Variants in GLRA2 observed in about 807,000 individuals in gnomAD.
GLRA2 encodes glycine receptor alpha 2.
A neutral mutation model predicts 31.6 loss-of-function variants in GLRA2; 11 were observed. That is an observed-to-expected ratio of 0.35 (90% confidence interval 0.22 to 0.58). The LOEUF (loss-of-function observed/expected upper bound fraction) is 0.58, where lower values mean the gene tolerates loss of function less well. Ranked by LOEUF, GLRA2 falls within the 20% of genes least tolerant of loss-of-function variation. The probability of loss-of-function intolerance (pLI) is 0.84; values close to 1 mark genes in which losing one functional copy is unlikely to be tolerated. For synonymous variants in GLRA2, 132 were observed against 134.0 expected (o/e 0.99, Z 0.10); for missense variants, 212 against 351.8 (o/e 0.60, Z 3.18).
rs1393021666 is a variant in GLRA2, at chrX:14,690,808, G to A, written c.1029G>A (p.Arg343=). The A allele has an allele frequency of 1.7e-6, 2 of 1,203,567 alleles. No individual in the cohort carries two copies. Among genetic ancestry groups the A allele is most frequent in the African/African-American group, 3.5e-5 (2 of 56,720 alleles). Residue 343 remains arginine (R), a synonymous_variant, in exon 8 of 9, where the codon AGG becomes AGA. Transcript: ENST00000218075. ...LEYAAVNFVS[R]QHKEFLRLRR... ...ACGCAGCGGTGAACTTCGTCTCCAG[G>A]CAACACAAGGAGTTCCTGCGCCTCC...
At chrX:14,520,713 G>A in the GLRA2 span, among the ~76,000 whole-genome samples, 1 of 112,727 alleles carries the variant, frequency 8.9e-6, no homozygotes, top group Non-Finnish European at 1.9e-5. Flanking sequence ...CTCTCTGCAT[G>A]ATGGGCATCT....
intron 3 of GLRA2, 150 bp downstream of exon 3, chrX:14,574,550 A>C (rs2089927479): frequency 8.4e-7 from 1 of 1,185,560 alleles, no homozygotes; most frequent in East Asian, 3.0e-5. Flanking sequence ...CAATAGCAGA[A>C]ACTACAATGG....
chrX:14,565,488 TG>T (rs2147047397), intron 2 of GLRA2, among the ~76,000 whole-genome samples: 2 of 104,694 alleles, frequency 1.9e-5, no homozygotes, highest in African/African-American at 7.3e-5. Flanking sequence ...CTCATCATTT[TG>T]GTCAATATCT....
chrX:14,508,490 G>A, the GLRA2 span, among the ~76,000 whole-genome samples: 1 of 111,951 alleles, frequency 8.9e-6, no homozygotes, highest in African/African-American at 3.2e-5. Context: ...CATTGGCACT[G>A]GGCCATTCCT....
At chrX:14,455,379 T>C in the GLRA2 span, among the ~76,000 whole-genome samples, 4 of 111,635 alleles carry the variant, frequency 3.6e-5, no homozygotes, top group African/African-American at 9.8e-5. Context: ...GACAATGATA[T>C]TGTGTATCTG....
At chrX:14,488,479 A>G in the GLRA2 span, among the ~76,000 whole-genome samples, 1 of 111,776 alleles carries the variant, frequency 8.9e-6, no homozygotes, top group African/African-American at 3.3e-5. Flanking sequence ...AGTGGTCATT[A>G]TTCCATAAAT....
chrX:14,500,628 A>T, the GLRA2 span, among the ~76,000 whole-genome samples: 4 of 111,837 alleles, frequency 3.6e-5, no homozygotes, highest in African/African-American at 1.3e-4. Flanking sequence ...TCTTACTTTC[A>T]CCAGTGTGGA....
intron 2 of GLRA2, among the ~76,000 whole-genome samples, chrX:14,543,236 CAAAAAAAAA>C (rs60906048): frequency 8.6e-5 from 2 of 23,372 alleles, no homozygotes; most frequent in Admixed American, 1.1e-3. Flanking sequence ...TTGTCATCTG[CAAAAAAAAA>C]AAAAAAAAAA....
At chrX:14,458,068 G>A in the GLRA2 span, among the ~76,000 whole-genome samples, 1 of 108,652 alleles carries the variant, frequency 9.2e-6, no homozygotes, top group Non-Finnish European at 1.9e-5. Context: ...TCCCCACCCT[G>A]TGTCCATGTG....
intron 7 of GLRA2, among the ~76,000 whole-genome samples, chrX:14,615,265 T>C (rs2090442891): frequency 8.9e-6 from 1 of 111,807 alleles, no homozygotes; most frequent in Non-Finnish European, 1.9e-5. Flanking sequence ...GTGTTGAAAA[T>C]ACTTGTAATC....
At chrX:14,630,730 A>T in intron 7 of GLRA2, among the ~76,000 whole-genome samples, 1 of 110,149 alleles carries the variant, frequency 9.1e-6, no homozygotes, top group East Asian at 2.8e-4. Flanking sequence ...TGTATTGCTC[A>T]CAGTTATGAA....
intron 2 of GLRA2, among the ~76,000 whole-genome samples, chrX:14,556,468 C>A (rs1331319064): frequency 8.9e-6 from 1 of 111,929 alleles, no homozygotes; most frequent in East Asian, 2.8e-4. Context: ...TCACCCCAAT[C>A]CCAAATAGCA....
At chrX:14,693,430 T>C (rs1225098063) in intron 8 of GLRA2, among the ~76,000 whole-genome samples, 1 of 111,525 alleles carries the variant, frequency 9.0e-6, no homozygotes, top group East Asian at 2.8e-4. Flanking sequence ...GTGATTACTA[T>C]AGATATGTCT....
At chrX:14,622,321 A>G (rs2090530585) in intron 7 of GLRA2, among the ~76,000 whole-genome samples, 1 of 111,071 alleles carries the variant, frequency 9.0e-6, no homozygotes, top group Admixed American at 9.5e-5. Context: ...TTTCCTGTTC[A>G]CTCTGATGGT....
At chrX:14,534,558 T>C (rs892190579) in intron 2 of GLRA2, among the ~76,000 whole-genome samples, 5 of 111,013 alleles carry the variant, frequency 4.5e-5, no homozygotes, top group Non-Finnish European at 7.6e-5. Context: ...ATGTCTAATA[T>C]GATCCTTCTA....
chrX:14,643,665 T>C (rs911390311), intron 7 of GLRA2, among the ~76,000 whole-genome samples: 4 of 111,872 alleles, frequency 3.6e-5, no homozygotes, highest in African/African-American at 1.3e-4. Flanking sequence ...ATACCAGGAA[T>C]GTTATTTGCT....
intron 7 of GLRA2, among the ~76,000 whole-genome samples, chrX:14,653,337 G>A (rs1219161465): frequency 8.9e-6 from 1 of 112,188 alleles, no homozygotes; most frequent in Non-Finnish European, 1.9e-5. Flanking sequence ...CATTCTAGAT[G>A]CCATTAAGAA....
At chrX:14,682,024 T>A (rs866911682) in intron 7 of GLRA2, among the ~76,000 whole-genome samples, 2 of 100,807 alleles carry the variant, frequency 2.0e-5, no homozygotes, top group South Asian at 8.9e-4. Flanking sequence ...TATATATAAA[T>A]ATATATAAAA....
chrX:14,495,219 G>A, the GLRA2 span, among the ~76,000 whole-genome samples: 89 of 111,270 alleles, frequency 8.0e-4, no homozygotes, highest in African/African-American at 2.8e-3. Context: ...CTCTTTCTAG[G>A]ATTGTGGCTT....
Sources: gnomAD v4.1 joint callset for allele counts (sites outside exome capture counted in the v4.1 genomes callset) on GRCh38, gnomAD v4.1.1 for gene constraint, MANE v1.5 for transcripts, NCBI Gene and HGNC (gene_info 2026-07-23, HGNC 2026-07-21) for gene names.